NELL1: variants seen among roughly 807,000 people sequenced by gnomAD.
NELL1 encodes protein kinase C-binding protein NELL1.
In NELL1, 76 loss-of-function variants were observed where a neutral mutation model predicts 107.4. The ratio of observed to expected loss-of-function variants is 0.71; its 90% CI spans 0.59 to 0.86. The LOEUF is 0.86. NELL1 is among the 40% of genes least tolerant of loss of function. The pLI, the probability that NELL1 is intolerant of heterozygous loss-of-function variation, is 0.00. For missense variants in NELL1, 1,024 were observed against 1,005.5 expected, an observed-to-expected ratio of 1.02 and a Z score of -0.25; for synonymous variants, 353 against 341.2, an observed-to-expected ratio of 1.03 and a Z score of -0.38.
At chr11:20,781,489 G>A (rs775843145) in intron 2 of NELL1, among the ~76,000 whole-genome samples, 32 of 152,116 alleles carry the variant, frequency 2.1e-4, no homozygotes, top group Non-Finnish European at 4.0e-4. Flanking sequence ...GAGAGATGAC[G>A]ATACCCATAG....
chr11:20,936,461 A>C (rs1850727245), intron 9 of NELL1, among the ~76,000 whole-genome samples: 1 of 152,150 alleles, frequency 6.6e-6, no homozygotes, highest in South Asian at 2.1e-4. Flanking sequence ...CTGTGGCTAA[A>C]ATGGACTAGA....
chr11:20,748,862 G>A (rs535516825), intron 2 of NELL1, among the ~76,000 whole-genome samples: 3 of 149,520 alleles, frequency 2.0e-5, no homozygotes, highest in South Asian at 2.1e-4. Context: ...GCGTATTGGA[G>A]CATATTCTAT....
chr11:21,294,472 A>G (rs1849334793), intron 14 of NELL1, among the ~76,000 whole-genome samples: 2 of 152,196 alleles, frequency 1.3e-5, no homozygotes, highest in African/African-American at 2.4e-5. Flanking sequence ...AGTGCCTTAC[A>G]TATGGTTGGT....
intron 3 of NELL1, among the ~76,000 whole-genome samples, chr11:20,830,814 C>T (rs72942559): frequency 0.15 from 23,150 of 152,100 alleles, 1,941 homozygotes; most frequent in African/African-American, 0.22. Flanking sequence ...CTTTTCCAGT[C>T]TCAGGATAGC....
chr11:21,167,539 A>G lies in NELL1; in HGVS notation c.1426+53825A>G, dbSNP rs550994486. ...GGGAACTTTTCCTGCCTTACTTTAG[A>G]TACTGCAGTTCTCTTAATCCTCCTA... is the stretch of plus-strand genomic sequence containing the variant. On this transcript the variant is annotated intron_variant, in intron 13 of 19. Transcript: ENST00000357134. Among the ~76,000 whole-genome samples, 124 of 151,980 alleles carry G rather than the reference A, an allele frequency of 8.2e-4. 4 individuals carry two copies. In the South Asian group the frequency reaches 0.025, roughly 31 times the overall value.
At chr11:21,557,640 C>T (rs1856751579) in intron 16 of NELL1, among the ~76,000 whole-genome samples, 1 of 151,806 alleles carries the variant, frequency 6.6e-6, no homozygotes, top group Non-Finnish European at 1.5e-5. Context: ...AGGGCATTGC[C>T]CCTTCTTCAA....
At chr11:21,279,142 T>C (rs1848936452) in intron 14 of NELL1, among the ~76,000 whole-genome samples, 1 of 152,236 alleles carries the variant, frequency 6.6e-6, no homozygotes, top group Non-Finnish European at 1.5e-5. Flanking sequence ...AAATGGATCA[T>C]AAATGGTAAT....
In NELL1 at chr11:20,916,080, T is replaced by C. The variant is rs193106892; in HGVS notation, c.604-2102T>C. Among the ~76,000 whole-genome samples the C allele has an allele frequency of 2.2e-3, 330 of 151,952 alleles. 1 individual carries two copies. Among genetic ancestry groups the C allele is most frequent in the Non-Finnish European group, 3.8e-3 (258 of 67,866 alleles). On this transcript the variant is annotated intron_variant, in intron 5 of 19. Coordinates refer to ENST00000357134, the MANE Select transcript of NELL1 (RefSeq NM_006157.5). ...AACATTCCCATCTTGATTCATTTGG[T>C]AAGAACACATTTTCATGCCAGTATG...
intron 5 of NELL1, among the ~76,000 whole-genome samples, chr11:20,912,522 A>G (rs1318599067): frequency 6.6e-6 from 1 of 152,182 alleles, no homozygotes; most frequent in Non-Finnish European, 1.5e-5. Flanking sequence ...AAAATAAGTT[A>G]TAAGGATGCT....
chr11:20,979,444 C>T (rs1851705527), intron 12 of NELL1, among the ~76,000 whole-genome samples: 1 of 152,122 alleles, frequency 6.6e-6, no homozygotes, highest in African/African-American at 2.4e-5. Flanking sequence ...ATGTTATCTT[C>T]CATGTAAATA....
chr11:20,748,459 T>A (rs1011483837), intron 2 of NELL1, among the ~76,000 whole-genome samples: 2 of 152,232 alleles, frequency 1.3e-5, no homozygotes, highest in Non-Finnish European at 2.9e-5. Flanking sequence ...TTACGTGGAT[T>A]AATTGTACAG....
In NELL1 at chr11:21,064,238, T is replaced by C. The variant is rs192551941; in HGVS notation, c.1301-49351T>C. On this transcript the variant is annotated intron_variant, in intron 12 of 19. Transcript: ENST00000357134. ...GCCATTGTGTAGTCTTTGACTTTTTTCTGAGTGAACTCTTCCATTTGGAGA... is the reference window on the plus strand; with the variant it reads ...GCCATTGTGTAGTCTTTGACTTTTTCCTGAGTGAACTCTTCCATTTGGAGA... Among the ~76,000 whole-genome samples the C allele has an allele frequency of 2.5e-4, 38 of 152,294 alleles. No homozygotes were observed. In the East Asian group the frequency reaches 7.3e-3, roughly 29 times the overall value.
At chr11:21,497,026 T>C (rs965404833) in intron 15 of NELL1, among the ~76,000 whole-genome samples, 69 of 151,634 alleles carry the variant, frequency 4.6e-4, no homozygotes, top group Non-Finnish European at 7.8e-4. Context: ...CAGTCTATCA[T>C]TGTTGGACAT....
intron 3 of NELL1, among the ~76,000 whole-genome samples, chr11:20,817,265 G>C (rs1244751110): frequency 6.6e-6 from 1 of 152,058 alleles, no homozygotes; most frequent in African/African-American, 2.4e-5. Flanking sequence ...AGTCTGTCTG[G>C]TCTAGGGCTT....
intron 15 of NELL1, among the ~76,000 whole-genome samples, chr11:21,498,074 G>T (rs1855031696): frequency 6.6e-6 from 1 of 151,576 alleles, no homozygotes. Flanking sequence ...AAAGTACACA[G>T]GAAAATATTA....
rs1851341345 is a variant in NELL1, at chr11:21,370,815, A to G, written c.1550-38A>G. On this transcript the variant is annotated intron_variant, in intron 14 of 19. Transcript: ENST00000357134. ...TGTTTACCGTGAATTTATCTATTGC[A>G]TTTTATCTAAGATAAATACTTTGTT... The G allele has an allele frequency of 2.6e-6, 4 of 1,536,732 alleles. No homozygotes were observed. The South Asian group carries it at 3.5e-5, about 13-fold the overall frequency.
intron 5 of NELL1, among the ~76,000 whole-genome samples, chr11:20,917,924 G>A (rs1262714775): frequency 1.3e-5 from 2 of 151,930 alleles, no homozygotes; most frequent in East Asian, 3.9e-4. Flanking sequence ...TTTTACTGAT[G>A]TGTCTTTGGT....
chr11:21,161,000 TACACACACAC>T (rs72029062), intron 13 of NELL1, among the ~76,000 whole-genome samples: 12,623 of 143,208 alleles, frequency 0.088, 513 homozygotes, highest in Non-Finnish European at 0.099. Flanking sequence ...CTAGCCTTTA[TACACACACAC>T]ACACACACAC....
chr11:21,567,405 G>A (rs550202254), intron 17 of NELL1, among the ~76,000 whole-genome samples: 2 of 151,886 alleles, frequency 1.3e-5, no homozygotes, highest in South Asian at 4.1e-4. Flanking sequence ...TTCTCTGATT[G>A]AATTCACTTG....
Sources: gnomAD v4.1 joint callset for allele counts (sites outside exome capture counted in the v4.1 genomes callset) on GRCh38, gnomAD v4.1.1 for gene constraint, MANE v1.5 for transcripts, NCBI Gene and HGNC (gene_info 2026-07-23, HGNC 2026-07-21) for gene names.